KIF18B: variants seen among roughly 807,000 people sequenced by gnomAD.
The protein encoded by KIF18B is kinesin-like protein KIF18B.
Under a neutral mutation model 80.9 loss-of-function variants are expected in KIF18B, and 49 were observed. That is an observed-to-expected ratio of 0.61 (90% CI 0.48 to 0.77). KIF18B has a LOEUF of 0.77. Among genes scored for constraint, KIF18B ranks in the 30% least tolerant of loss-of-function variants. KIF18B has a pLI of 0.00. For missense variants in KIF18B, 994 were observed against 1,127.7 expected (o/e 0.88, Z 1.70); for synonymous variants, 439 against 463.9 (o/e 0.95, Z 0.69).
Position 44,935,385 on chromosome 17 carries a change from C to A in KIF18B, c.345G>T (p.Lys115Asn). The change falls in exon 3 of 16, where the codon AAG (lysine) becomes AAT (asparagine). Residue 115 changes from lysine to asparagine, a missense_variant. Lys to Asn is a moderately conservative substitution (Grantham distance 94). Transcript: ENST00000593135. ...CCTCCCTTCCCAGCATGGTGTGTGT[C>A]TTCCCAGCCCCGGTGGCCCCGTAGG... ...VFAYGATGAG[K>N]THTMLGREGD... 2 of 1,612,466 alleles carry A rather than the reference C, an allele frequency of 1.2e-6. No homozygotes were observed. The highest frequency in any genetic ancestry group is 1.7e-6 in the Non-Finnish European group (2 of 1,179,028).
At chr17:44,935,113 G>A in intron 3 of KIF18B, 146 bp downstream of exon 3, 1 of 936,488 alleles carries the variant, frequency 1.1e-6, no homozygotes, top group Non-Finnish European at 1.6e-6. Flanking sequence ...CTCTAGTGCA[G>A]CATCTCACTG....
Position 44,936,066 on chromosome 17 carries a change from G to A in KIF18B, c.279C>T (p.Val93=), listed in dbSNP as rs1403005024. The change falls in exon 2 of 16, where the codon GTC becomes GTT. Residue 93 remains valine (V), a synonymous_variant. Coordinates refer to ENST00000593135, the MANE Select transcript of KIF18B (RefSeq NM_001265577.2). ...QDVFQHTTHS[V]LDSFLQGYNC... is the part of the protein sequence containing the mutation. ...TGTAGCCCTGGAGGAAGCTGTCCAG[G>A]ACGCTGTGCGTGGTGTGCTGGAACA... 3 of 1,613,686 alleles carry A rather than the reference G, an allele frequency of 1.9e-6. No homozygotes were observed. The highest frequency in any genetic ancestry group is 2.5e-6 in the Non-Finnish European group (3 of 1,179,904).
At chr17:44,944,293 A>G (rs1189522674) in intron 1 of KIF18B, among the ~76,000 whole-genome samples, 1 of 150,670 alleles carries the variant, frequency 6.6e-6, no homozygotes, top group Non-Finnish European at 1.5e-5. Flanking sequence ...AGCAGCCTGG[A>G]GTGCAATGGC....
At chr17:44,943,334 T>C (rs1160699771) in intron 1 of KIF18B, among the ~76,000 whole-genome samples, 1 of 152,076 alleles carries the variant, frequency 6.6e-6, no homozygotes, top group Non-Finnish European at 1.5e-5. Flanking sequence ...TCTCCTGACT[T>C]TGTGATCCAC....
chr17:44,938,774 G>C (rs963847569), intron 1 of KIF18B, among the ~76,000 whole-genome samples: 3 of 152,196 alleles, frequency 2.0e-5, no homozygotes, highest in Non-Finnish European at 2.9e-5. Context: ...GCTGGGTGTG[G>C]TGGCTCATGC....
intron 14 of KIF18B, among the ~76,000 whole-genome samples, 200 bp downstream of exon 14, chr17:44,926,789 T>C (rs2052036521): frequency 6.6e-6 from 1 of 152,148 alleles, no homozygotes; most frequent in Non-Finnish European, 1.5e-5. Flanking sequence ...ATGGATCAGC[T>C]CTGGGGTGAT....
chr17:44,935,599 T>A (rs571154146), intron 2 of KIF18B, among the ~76,000 whole-genome samples, 183 bp from the exon 3 acceptor site: 1 of 152,304 alleles, frequency 6.6e-6, no homozygotes, highest in South Asian at 2.1e-4. Flanking sequence ...TGTTCCCCCA[T>A]AGGCCAGTGG....
intron 1 of KIF18B, among the ~76,000 whole-genome samples, chr17:44,938,408 C>A (rs181228656): frequency 6.6e-6 from 1 of 152,122 alleles, no homozygotes; most frequent in Non-Finnish European, 1.5e-5. Context: ...ACCATGCATT[C>A]CTGGAAAAAA....
At chr17:44,944,842 G>A (rs55718188) in intron 1 of KIF18B, among the ~76,000 whole-genome samples, 1 of 152,040 alleles carries the variant, frequency 6.6e-6, no homozygotes, top group Non-Finnish European at 1.5e-5. Context: ...TTTTCCAAGG[G>A]CATTGTCAAA....
Position 44,932,665 on chromosome 17 carries a change from G to T in KIF18B, c.1238+8C>A. The T allele has an allele frequency of 5.1e-6, 8 of 1,571,894 alleles. No individual in the cohort carries two copies. The highest frequency in any genetic ancestry group is 7.0e-6 in the Non-Finnish European group (8 of 1,143,980). On this transcript the variant is annotated splice_region_variant and intron_variant, in intron 9 of 15. Coordinates refer to ENST00000593135, the MANE Select transcript of KIF18B (RefSeq NM_001265577.2). Reference sequence around the variant, plus strand: ...AGGGTGGGGGCGGGAATGGGCAGTGGAACTCACTGTTCTGGTGGTGGTCCC... The same window carrying T: ...AGGGTGGGGGCGGGAATGGGCAGTGTAACTCACTGTTCTGGTGGTGGTCCC...
Position 44,927,808 on chromosome 17 carries a change from C to T in KIF18B, c.2276+218G>A, listed in dbSNP as rs1037574671. On this transcript the variant is annotated intron_variant, in intron 13 of 15. Coordinates refer to ENST00000593135, the MANE Select transcript of KIF18B (RefSeq NM_001265577.2). This position sits in a 1 kb window ranked among gnomAD's most constrained non-coding sequence, Gnocchi z 4.1. ...CTACAAACCAGCACAGAGTGGGTGG[C>T]TTTGCAGCATGGACAGACCAGGCAG... 6.6e-6 allele frequency among the ~76,000 whole-genome samples: 1 copy of T among 152,208 alleles called. No homozygotes were observed. The highest frequency in any genetic ancestry group is 1.5e-5 in the Non-Finnish European group (1 of 68,038).
chr17:44,932,453 T>C (rs373820482), intron 9 of KIF18B: 3 of 593,838 alleles, frequency 5.1e-6, no homozygotes, highest in Non-Finnish European at 8.9e-6. Flanking sequence ...TTCTCTCGAA[T>C]AGTAGGCCCT....
chr17:44,933,874 C>T (rs778506945), intron 7 of KIF18B, 49 bp downstream of exon 7: 28 of 1,506,380 alleles, frequency 1.9e-5, no homozygotes, highest in Non-Finnish European at 2.1e-5. Flanking sequence ...CTTTCCTGCT[C>T]CCCGGCTGGA....
chr17:44,935,225 T>C, intron 3 of KIF18B, 34 bp downstream of exon 3: 2 of 1,554,012 alleles, frequency 1.3e-6, no homozygotes, highest in Non-Finnish European at 1.7e-6. Flanking sequence ...CCCGGGTGGT[T>C]GTGAGAACAA....
At chr17:44,933,876 C>T in intron 7 of KIF18B, 47 bp downstream of exon 7, 1 of 1,511,968 alleles carries the variant, frequency 6.6e-7, no homozygotes, top group Non-Finnish European at 8.9e-7. Context: ...TTCCTGCTCC[C>T]CGGCTGGAGC....
chr17:44,934,082 C>T lies in KIF18B; in HGVS notation c.903G>A (p.Val301=). The T allele has an allele frequency of 1.2e-6, 2 of 1,612,484 alleles. No individual in the cohort carries two copies. Among genetic ancestry groups the T allele is most frequent in the Non-Finnish European group, 1.7e-6 (2 of 1,179,348 alleles). Residue 301 remains valine (V), a synonymous_variant, in exon 7 of 16, where the codon GTG becomes GTA. Coordinates refer to ENST00000593135, the MANE Select transcript of KIF18B (RefSeq NM_001265577.2). The surrounding 1 kb of genome is among the most constrained non-coding windows in gnomAD (Gnocchi z 5.4). ...GGGTCAGTTTGCTGTCCCGGTAGGG[C>T]ACATGGGTCTTGCGGCCCTGGGGGG... is the stretch of plus-strand genomic sequence containing the variant. ...LADAKGRKTH[V]PYRDSKLTRL...
Position 44,927,941 on chromosome 17 carries a change from C to T in KIF18B, c.2276+85G>A. 1 of 1,212,320 alleles carries T rather than the reference C, an allele frequency of 8.2e-7. No homozygotes were observed. Among genetic ancestry groups the T allele is most frequent in the Non-Finnish European group, 1.1e-6 (1 of 887,556 alleles). 75.1% of individuals were successfully genotyped at this position (1,212,320 alleles called of 1,614,324 possible). On this transcript the variant is annotated intron_variant, in intron 13 of 15. Coordinates refer to ENST00000593135, the MANE Select transcript of KIF18B (RefSeq NM_001265577.2). The surrounding 1 kb of genome is among the most constrained non-coding windows in gnomAD (Gnocchi z 4.1). ...GAACCGTCCCAGCTCCAAGGCTGTC[C>T]TCCATACTTCTCAGCAGCACCAAGA...
chr17:44,939,234 G>A (rs1297188210), intron 1 of KIF18B, among the ~76,000 whole-genome samples: 2 of 151,198 alleles, frequency 1.3e-5, no homozygotes, highest in Non-Finnish European at 2.9e-5. Context: ...AGTCGGGCAC[G>A]GTGGCGGGCG....
Position 44,926,067 on chromosome 17 carries a change from G to T in KIF18B, c.*13C>A, listed in dbSNP as rs759268357. ...TAGGTTAGGACACCTTGGTGGTCAG[G>T]ACATTCTGGCGGTCAGGACACCTTG... is the stretch of plus-strand genomic sequence containing the variant. On this transcript the variant is annotated 3_prime_UTR_variant, in exon 16 of 16. Transcript: ENST00000593135. 1 of 1,613,842 alleles carries T rather than the reference G, an allele frequency of 6.2e-7. No homozygotes were observed. The highest frequency in any genetic ancestry group is 8.5e-7 in the Non-Finnish European group (1 of 1,179,818).
Sources: allele counts gnomAD v4.1 joint callset (sites outside exome capture counted in the v4.1 genomes callset), GRCh38; gene constraint gnomAD v4.1.1; non-coding constraint Gnocchi (gnomAD v3.1); transcripts MANE v1.5; gene names NCBI Gene and HGNC (gene_info 2026-07-23, HGNC 2026-07-21).